The following PCDH11Y variants were observed in gnomAD, a reference collection of about 807,000 sequenced individuals.
PCDH11Y encodes protocadherin-11 Y-linked.
For missense variants in PCDH11Y, 12 were observed against 224.8 expected (o/e 0.05, Z 6.05); for synonymous variants, 9 against 83.6 (o/e 0.11, Z 4.87).
chrY:5,380,650 A>C (rs2053204198), intron 2 of PCDH11Y, among the ~76,000 whole-genome samples: 1 of 27,008 alleles, frequency 3.7e-5, no homozygotes, highest in African/African-American at 1.5e-4. Context: ...GCAGTGGCGC[A>C]ATCTCGGCTC....
At chrY:5,402,090 G>T in intron 2 of PCDH11Y, among the ~76,000 whole-genome samples, 1 of 33,128 alleles carries the variant, frequency 3.0e-5, no homozygotes, top group East Asian at 8.0e-4. Context: ...GGGACCTGGT[G>T]GGAAGTGATT....
intron 2 of PCDH11Y, among the ~76,000 whole-genome samples, chrY:5,146,556 A>G: frequency 3.0e-5 from 1 of 33,890 alleles, no homozygotes; most frequent in Non-Finnish European, 7.3e-5. Context: ...AATGTAAAAA[A>G]TATATACATA....
chrY:5,461,138 C>T, intron 2 of PCDH11Y, among the ~76,000 whole-genome samples: 2 of 33,053 alleles, frequency 6.1e-5, no homozygotes, highest in Non-Finnish European at 1.5e-4. Context: ...GAATTATATA[C>T]GTATATTATG....
At chrY:5,723,664 A>G in intron 4 of PCDH11Y, among the ~76,000 whole-genome samples, 1 of 33,675 alleles carries the variant, frequency 3.0e-5, no homozygotes, top group East Asian at 7.8e-4. Flanking sequence ...TATTAATAAC[A>G]AAGTAAATGG....
At chrY:5,227,159 T>C in intron 2 of PCDH11Y, among the ~76,000 whole-genome samples, 1 of 32,536 alleles carries the variant, frequency 3.1e-5, no homozygotes, top group African/African-American at 1.2e-4. Flanking sequence ...CTCTCACTTC[T>C]TTGGTTAATT....
intron 1 of PCDH11Y, among the ~76,000 whole-genome samples, chrY:5,018,870 C>T (rs2052564379): frequency 3.0e-5 from 1 of 33,393 alleles, no homozygotes; most frequent in African/African-American, 1.2e-4. Context: ...GATTTATTTT[C>T]TTCAAAACTA....
intron 1 of PCDH11Y, among the ~76,000 whole-genome samples, chrY:5,079,690 C>T: frequency 3.1e-5 from 1 of 32,447 alleles, no homozygotes; most frequent in Non-Finnish European, 7.5e-5. Context: ...GCTCATGAAA[C>T]AATTATTTTT....
At chrY:5,262,929 C>T (rs2124658391) in intron 2 of PCDH11Y, among the ~76,000 whole-genome samples, 1 of 32,935 alleles carries the variant, frequency 3.0e-5, no homozygotes, top group Non-Finnish European at 7.5e-5. Context: ...TGCCCTAAGT[C>T]CCAGGAGCTC....
At chrY:5,195,445 A>G (rs2052917801) in intron 2 of PCDH11Y, among the ~76,000 whole-genome samples, 2 of 33,487 alleles carry the variant, frequency 6.0e-5, no homozygotes, top group Non-Finnish European at 1.5e-4. Context: ...ATTTTCAATG[A>G]GCTATAAAGA....
intron 2 of PCDH11Y, among the ~76,000 whole-genome samples, chrY:5,389,189 C>T (rs2053219228): frequency 3.0e-5 from 1 of 33,569 alleles, no homozygotes; most frequent in Non-Finnish European, 7.4e-5. Context: ...AATATGCCAC[C>T]GTCTAAAAAA....
intron 1 of PCDH11Y, among the ~76,000 whole-genome samples, chrY:5,080,008 A>G: frequency 3.1e-5 from 1 of 31,962 alleles, no homozygotes; most frequent in African/African-American, 1.2e-4. Flanking sequence ...CATTTCTTGA[A>G]TGCTTTGCTG....
At chrY:5,477,471 C>A (rs1602931174) in intron 2 of PCDH11Y, among the ~76,000 whole-genome samples, 6 of 32,506 alleles carry the variant, frequency 1.8e-4, no homozygotes, top group Non-Finnish European at 3.8e-4. Context: ...CTGACACTTT[C>A]TTTTTTTGTT....
intron 2 of PCDH11Y, among the ~76,000 whole-genome samples, chrY:5,183,962 GA>G (rs2052903958): frequency 3.8e-5 from 1 of 26,528 alleles, no homozygotes; most frequent in Non-Finnish European, 7.8e-5. Context: ...TTTTTAATGA[GA>G]ACACTTGACA....
intron 2 of PCDH11Y, among the ~76,000 whole-genome samples, chrY:5,351,314 G>A: frequency 6.4e-5 from 2 of 31,466 alleles, no homozygotes; most frequent in Admixed American, 3.0e-4. Context: ...GTGTGTGTGT[G>A]TGTGTGTGTG....
chrY:5,382,641 G>A (rs2053206394), intron 2 of PCDH11Y, among the ~76,000 whole-genome samples: 3 of 32,797 alleles, frequency 9.1e-5, no homozygotes, highest in Non-Finnish European at 2.2e-4. Flanking sequence ...ATTTGCTCTC[G>A]GTCACATTAT....
intron 1 of PCDH11Y, among the ~76,000 whole-genome samples, chrY:5,059,313 A>G (rs2052669654): frequency 3.0e-5 from 1 of 32,944 alleles, no homozygotes; most frequent in Non-Finnish European, 7.5e-5. Flanking sequence ...TTCTTAATTA[A>G]TTCCATTTTA....
At chrY:5,487,646 A>G in intron 2 of PCDH11Y, among the ~76,000 whole-genome samples, 1 of 33,549 alleles carries the variant, frequency 3.0e-5, no homozygotes, top group Non-Finnish European at 7.4e-5. Flanking sequence ...TATCTTCTTT[A>G]TGCCCTTCTT....
At chrY:5,091,196 G>A in intron 1 of PCDH11Y, among the ~76,000 whole-genome samples, 1 of 33,084 alleles carries the variant, frequency 3.0e-5, no homozygotes, top group Non-Finnish European at 7.5e-5. Flanking sequence ...ATATTAAAGA[G>A]TTTTGCTGTA....
chrY:5,202,133 A>C, intron 2 of PCDH11Y, among the ~76,000 whole-genome samples: 1 of 32,333 alleles, frequency 3.1e-5, no homozygotes, highest in East Asian at 8.2e-4. Flanking sequence ...CTAGTGATTC[A>C]GAAGTAGCAG....
Sources: allele counts gnomAD v4.1 joint callset (sites outside exome capture counted in the v4.1 genomes callset), GRCh38; gene constraint gnomAD v4.1.1; transcripts MANE v1.5; gene names NCBI Gene and HGNC (gene_info 2026-07-23, HGNC 2026-07-21).